The following SLC4A8 variants were observed in gnomAD, a reference collection of about 807,000 sequenced individuals.
The protein encoded by SLC4A8 is electroneutral sodium bicarbonate exchanger 1.
A neutral mutation model predicts 125.0 loss-of-function variants in SLC4A8; 40 were observed. That is an observed-to-expected ratio of 0.32 (90% CI 0.25 to 0.42). SLC4A8 has a LOEUF of 0.42. Ranked by LOEUF, SLC4A8 falls within the 10% of genes least tolerant of loss-of-function variation. The pLI is 1.00. For missense variants in SLC4A8, 863 were observed against 1,355.1 expected (o/e 0.64, Z 5.70); for synonymous variants, 456 against 476.0 (o/e 0.96, Z 0.55).
At chr12:51,399,366 A>G (rs1948327092) in intron 1 of SLC4A8, among the ~76,000 whole-genome samples, 1 of 152,202 alleles carries the variant, frequency 6.6e-6, no homozygotes, top group African/African-American at 2.4e-5. Context: ...TTTCCTCCCC[A>G]AAGGCAGCCA....
upstream of SLC4A8, chr12:51,421,889 C>T (rs1948796806): frequency 6.6e-6 from 1 of 152,238 alleles, no homozygotes; most frequent in African/African-American, 2.4e-5. Flanking sequence ...CTCTCCCTAT[C>T]CCATGCCAGT....
intron 19 of SLC4A8, among the ~76,000 whole-genome samples, chr12:51,492,290 C>G (rs940850394): frequency 6.6e-6 from 1 of 152,008 alleles, no homozygotes; most frequent in African/African-American, 2.4e-5. Flanking sequence ...CTTCAACCAC[C>G]CCAGCCTGTA....
intron 16 of SLC4A8, among the ~76,000 whole-genome samples, chr12:51,477,339 C>G (rs1360475269): frequency 3.3e-5 from 5 of 152,096 alleles, no homozygotes; most frequent in Non-Finnish European, 7.4e-5. Context: ...TTTTTAAAGG[C>G]TAAACGGTTG....
chr12:51,420,051 C>T (rs935561407), upstream of SLC4A8: 5 of 152,224 alleles, frequency 3.3e-5, no homozygotes, highest in Admixed American at 3.3e-4. Flanking sequence ...CATGCACCTG[C>T]ATAACCTTTT....
At chr12:51,395,388 G>A (rs772855050) in intron 1 of SLC4A8, among the ~76,000 whole-genome samples, 12 of 151,432 alleles carry the variant, frequency 7.9e-5, no homozygotes, top group Admixed American at 3.9e-4. Context: ...TTTTAGATTC[G>A]GGTTTTGGGT....
At chr12:51,430,478 C>T (rs1185736959) in intron 1 of SLC4A8, among the ~76,000 whole-genome samples, 1 of 152,136 alleles carries the variant, frequency 6.6e-6, no homozygotes, top group Admixed American at 6.5e-5. Context: ...CTACATTGCA[C>T]ATACCCCTCC....
intron 1 of SLC4A8, among the ~76,000 whole-genome samples, chr12:51,432,320 A>G (rs1445546599): frequency 6.6e-6 from 1 of 151,134 alleles, no homozygotes; most frequent in Admixed American, 6.6e-5. Context: ...CTGAGGCAGG[A>G]GAATGGCATG....
At chr12:51,442,315 T>C (rs1021917099) in intron 2 of SLC4A8, among the ~76,000 whole-genome samples, 1 of 152,224 alleles carries the variant, frequency 6.6e-6, no homozygotes, top group African/African-American at 2.4e-5. Flanking sequence ...GTGGTCTCTC[T>C]ACCCTCTCAT....
intron 1 of SLC4A8, among the ~76,000 whole-genome samples, chr12:51,432,093 T>C (rs1406753011): frequency 6.6e-6 from 1 of 152,138 alleles, no homozygotes; most frequent in Admixed American, 6.5e-5. Flanking sequence ...ATAAGTGTAT[T>C]ACCTCGGTTT....
rs1948196178 is a variant in SLC4A8, at chr12:51,393,307, T to C, written c.-112+1819T>C. On this transcript the variant is annotated intron_variant, in intron 1 of 24. Coordinates refer to the SLC4A8 transcript ENST00000358657. Reference sequence around the variant, plus strand: ...AGGGAGTTTCGCCATGTTGCCCAGGTTGGTTTCAAACTCCTGGGCTCAAGC... The same window carrying C: ...AGGGAGTTTCGCCATGTTGCCCAGGCTGGTTTCAAACTCCTGGGCTCAAGC... Among the ~76,000 whole-genome samples, 4 of 151,894 alleles carry C rather than the reference T, an allele frequency of 2.6e-5. No homozygotes were observed. In the South Asian group the frequency reaches 8.4e-4, roughly 32 times the overall value.
At chr12:51,398,789 G>A (rs577588925) in intron 1 of SLC4A8, among the ~76,000 whole-genome samples, 4 of 152,204 alleles carry the variant, frequency 2.6e-5, no homozygotes, top group South Asian at 2.1e-4. Flanking sequence ...TCGCTCTGTC[G>A]CGCAGTCTGG....
At position 51,424,846 on chromosome 12, in the gene SLC4A8, TG is replaced by T; in HGVS notation, c.-140del. The T allele has an allele frequency of 1.2e-6, 1 of 852,402 alleles. No homozygotes were observed. Among genetic ancestry groups the T allele is most frequent in the Non-Finnish European group, 1.8e-6 (1 of 550,428 alleles). The allele number at this position is 852,402 out of a possible 1,614,324, so 52.8% of individuals were successfully genotyped here. A position where few individuals can be genotyped will look rare whatever the true frequency, so the allele number is the denominator to read the frequency against. On this transcript the variant is annotated 5_prime_UTR_variant, in exon 1 of 25. The change abolishes the stop of an existing upstream ORF in the 5' untranslated region. Coordinates refer to ENST00000453097, the MANE Select transcript of SLC4A8 (RefSeq NM_001039960.3). The stretch of plus-strand genomic sequence containing the variant: ...CGGATGCCTCGCGGGCCGGTGGCTA[TG>T]GAGGCGGCGGCGGTTGATGGTTGAC...
At chr12:51,450,766 C>A in intron 2 of SLC4A8, 110 bp from the exon 3 acceptor site, 1 of 1,201,296 alleles carries the variant, frequency 8.3e-7, no homozygotes. Flanking sequence ...GAGCTGTGAC[C>A]AGACCAAAGA....
chr12:51,440,215 A>G (rs996731564), intron 1 of SLC4A8, among the ~76,000 whole-genome samples: 9 of 152,296 alleles, frequency 5.9e-5, no homozygotes, highest in African/African-American at 9.6e-5. Context: ...AATGTTATAC[A>G]GAGGTATAGA....
intron 22 of SLC4A8, among the ~76,000 whole-genome samples, chr12:51,499,369 T>G (rs1344894326): frequency 6.6e-6 from 1 of 151,700 alleles, no homozygotes; most frequent in Non-Finnish European, 1.5e-5. Flanking sequence ...TGAAAAAGAT[T>G]GGAAGAAAAT....
At chr12:51,457,229 C>G (rs900815725) in intron 5 of SLC4A8, 122 bp from the exon 6 acceptor site, 1 of 622,466 alleles carries the variant, frequency 1.6e-6, no homozygotes, top group African/African-American at 1.8e-5. Flanking sequence ...AATTGCACCT[C>G]AATGACCCTA....
Position 51,395,616 on chromosome 12 carries a change from CA to C in SLC4A8, c.-112+4129del, listed in dbSNP as rs1453177177. On this transcript the variant is annotated intron_variant, in intron 1 of 24. Coordinates refer to the SLC4A8 transcript ENST00000358657. ...GGCAGAGTGAGGGAGACCTGCCCTT[CA>C]GGGGGAGGTGCTGGCTCCACTTAGC... Among the ~76,000 whole-genome samples the C allele has an allele frequency of 3.9e-5, 6 of 152,310 alleles. 1 individual carries two copies. The highest frequency in any genetic ancestry group is 1.2e-4 in the African/African-American group (5 of 41,574).
At position 51,510,477 on chromosome 12, in the gene SLC4A8, C is replaced by T. The variant is rs1207334737; in HGVS notation, c.*3039C>T. ...ATAGGAGGTATTCCTTGATGGCTCT[C>T]GAATGCATGAATGATATATCAATTT... On this transcript the variant is annotated 3_prime_UTR_variant, in exon 25 of 25. Transcript: ENST00000453097. The T allele has an allele frequency of 6.6e-6, 1 of 151,356 alleles. No individual in the cohort carries two copies. The highest frequency in any genetic ancestry group is 1.5e-5 in the Non-Finnish European group (1 of 67,928). The allele number at this position is 151,356 out of a possible 1,614,324, so 9.4% of individuals were successfully genotyped here. A position where few individuals can be genotyped will look rare whatever the true frequency, so the allele number is the denominator to read the frequency against.
At chr12:51,459,196 A>G (rs1301713659) in intron 7 of SLC4A8, among the ~76,000 whole-genome samples, 1 of 152,158 alleles carries the variant, frequency 6.6e-6, no homozygotes, top group African/African-American at 2.4e-5. Context: ...TAAAACACAG[A>G]TAGTGTCATA....
Sources: gnomAD v4.1 joint callset for allele counts (sites outside exome capture counted in the v4.1 genomes callset) on GRCh38, gnomAD v4.1.1 for gene constraint, MANE v1.5 for transcripts, NCBI Gene and HGNC (gene_info 2026-07-23, HGNC 2026-07-21) for gene names.